The following STX8 variants were observed in gnomAD, a reference collection of about 807,000 sequenced individuals.
The protein encoded by STX8 is syntaxin-8.
A neutral mutation model predicts 37.5 loss-of-function variants in STX8; 23 were observed. The observed-to-expected ratio is 0.61, with a 90% CI of 0.44 to 0.87. The LOEUF (loss-of-function observed/expected upper bound fraction) is 0.87. Among genes scored for constraint, STX8 ranks in the 40% least tolerant of loss-of-function variants. The probability of loss-of-function intolerance (pLI) is 0.00; values close to 1 mark genes in which losing one functional copy is unlikely to be tolerated. For missense variants in STX8, 313 were observed against 284.7 expected (o/e 1.10, Z -0.71); for synonymous variants, 115 against 99.1 (o/e 1.16, Z -0.95).
intron 6 of STX8, among the ~76,000 whole-genome samples, chr17:9,429,092 C>A (rs567493032): frequency 3.3e-5 from 5 of 151,914 alleles, no homozygotes; most frequent in African/African-American, 1.2e-4. Context: ...CCAGAACATC[C>A]CAATCCCTTA....
chr17:9,375,004 C>T (rs1364441220), intron 7 of STX8, among the ~76,000 whole-genome samples: 2 of 137,960 alleles, frequency 1.4e-5, no homozygotes, highest in East Asian at 4.3e-4. Context: ...GCAGAGGTTG[C>T]AGTGAGCTGA....
intron 7 of STX8, among the ~76,000 whole-genome samples, chr17:9,336,061 G>A (rs1265819443): frequency 6.6e-6 from 1 of 152,168 alleles, no homozygotes. Context: ...ATTCAAGGAT[G>A]CTCTATTACT....
At chr17:9,391,740 T>C (rs961324839) in intron 6 of STX8, among the ~76,000 whole-genome samples, 4 of 149,360 alleles carry the variant, frequency 2.7e-5, no homozygotes, top group Admixed American at 2.7e-4. Flanking sequence ...AAGGAAACCA[T>C]ATTGCTATAT....
chr17:9,574,589 C>T (rs1907819358), intron 1 of STX8, among the ~76,000 whole-genome samples: 1 of 151,482 alleles, frequency 6.6e-6, no homozygotes, highest in Admixed American at 6.6e-5. Flanking sequence ...GGCTGGAGTG[C>T]AATGGCACGA....
chr17:9,557,482 A>T lies in STX8; in HGVS notation c.164T>A (p.Ile55Asn). 1 of 1,614,156 alleles carries T rather than the reference A, an allele frequency of 6.2e-7. No individual in the cohort carries two copies. Among genetic ancestry groups the T allele is most frequent in the Non-Finnish European group, 8.5e-7 (1 of 1,179,998 alleles). ...RALLQNLKEKIALLKDLLLRA... is the reference protein window; with the variant it reads ...RALLQNLKEKNALLKDLLLRA... ...TAGCAATAAGTCCTTCAAAAGGGCG[A>T]TCTTTTCCTTCAGGTTCTGCAACAA... The change falls in exon 3 of 8, where the codon ATC (isoleucine) becomes AAC (asparagine). Residue 55 changes from isoleucine to asparagine, a missense_variant. By Grantham distance (149) the Ile-to-Asn change is moderately radical. Transcript: ENST00000306357.
intron 7 of STX8, among the ~76,000 whole-genome samples, chr17:9,297,043 T>A (rs1232489801): frequency 6.6e-6 from 1 of 152,156 alleles, no homozygotes; most frequent in Non-Finnish European, 1.5e-5. Flanking sequence ...CAGCATCTGT[T>A]CATACAGGAC....
chr17:9,427,295 C>A (rs1832847011), intron 6 of STX8, among the ~76,000 whole-genome samples: 1 of 152,142 alleles, frequency 6.6e-6, no homozygotes. Flanking sequence ...CACACCTGAT[C>A]ACTATGCACA....
chr17:9,299,960 A>C (rs1457669077), intron 7 of STX8, among the ~76,000 whole-genome samples: 1 of 152,154 alleles, frequency 6.6e-6, no homozygotes. Context: ...AGATCTTGGA[A>C]CCTAGGCAGG....
intron 4 of STX8, among the ~76,000 whole-genome samples, chr17:9,521,207 G>A (rs1463250089): frequency 6.6e-6 from 1 of 152,210 alleles, no homozygotes; most frequent in Non-Finnish European, 1.5e-5. Context: ...CAGTCAGAGA[G>A]GCAGGCCAAA....
chr17:9,446,562 G>A (rs1354082192), intron 6 of STX8, among the ~76,000 whole-genome samples: 5 of 152,158 alleles, frequency 3.3e-5, no homozygotes, highest in East Asian at 1.9e-4. Flanking sequence ...TCCTTTTCAC[G>A]GGAGTGCTAC....
chr17:9,575,667 G>T, intron 1 of STX8, 125 bp downstream of exon 1: 2 of 1,210,282 alleles, frequency 1.7e-6, no homozygotes, highest in South Asian at 2.8e-5. Context: ...TAAAGGAAAG[G>T]TCTCGCTGCC....
intron 7 of STX8, among the ~76,000 whole-genome samples, chr17:9,277,940 A>ATG: frequency 1.3e-5 from 2 of 152,290 alleles, no homozygotes; most frequent in Middle Eastern, 6.8e-3. Flanking sequence ...TTTTATCCTA[A>ATG]GTACAAGGGA....
At chr17:9,432,222 T>C (rs768672366) in intron 6 of STX8, among the ~76,000 whole-genome samples, 60 of 152,112 alleles carry the variant, frequency 3.9e-4, no homozygotes, top group Non-Finnish European at 6.2e-4. Context: ...TTTGTGATGG[T>C]AAAACAAGAT....
chr17:9,544,768 G>A (rs1019945977), intron 4 of STX8, among the ~76,000 whole-genome samples: 1 of 152,108 alleles, frequency 6.6e-6, no homozygotes, highest in African/African-American at 2.4e-5. Context: ...CAAGGCGGGC[G>A]GATCACGAGG....
intron 6 of STX8, among the ~76,000 whole-genome samples, chr17:9,451,876 A>G (rs1303962991): frequency 1.3e-5 from 2 of 152,070 alleles, no homozygotes; most frequent in Non-Finnish European, 2.9e-5. Context: ...TGAGTTTGAT[A>G]TTTTGCTTCC....
At chr17:9,559,747 TA>T (rs1907134119) in intron 2 of STX8, among the ~76,000 whole-genome samples, 1 of 33,070 alleles carries the variant, frequency 3.0e-5, no homozygotes, top group South Asian at 1.2e-3. Context: ...TATATATATA[TA>T]TATATATATA....
chr17:9,394,609 C>G (rs982963979), intron 6 of STX8, among the ~76,000 whole-genome samples: 2 of 151,518 alleles, frequency 1.3e-5, no homozygotes, highest in African/African-American at 4.8e-5. Context: ...AAGTGATCAG[C>G]CTGCCTCAGC....
rs553936078 is a variant in STX8 at position 9,323,431 on chromosome 17, G to A, written c.643+55121C>T. On this transcript the variant is annotated intron_variant, in intron 7 of 7. Transcript: ENST00000306357. Reference sequence around the variant, plus strand: ...AATTAAAAACACGTCAAATAACTCTGTATTTTATAAACCACAAATATTCTT... The same window carrying A: ...AATTAAAAACACGTCAAATAACTCTATATTTTATAAACCACAAATATTCTT... Among the ~76,000 whole-genome samples the A allele has an allele frequency of 7.9e-5, 12 of 152,260 alleles. No homozygotes were observed. The South Asian group carries it at 2.5e-3, about 32-fold the overall frequency.
chr17:9,297,419 G>A (rs1908604087), intron 7 of STX8, among the ~76,000 whole-genome samples: 1 of 152,174 alleles, frequency 6.6e-6, no homozygotes, highest in African/African-American at 2.4e-5. Context: ...GAAGCTTAGA[G>A]TCAGGGCCAG....
Sources: gnomAD v4.1 joint callset for allele counts (sites outside exome capture counted in the v4.1 genomes callset) on GRCh38, gnomAD v4.1.1 for gene constraint, MANE v1.5 for transcripts, NCBI Gene and HGNC (gene_info 2026-07-23, HGNC 2026-07-21) for gene names.